The following RASA3 variants were observed in gnomAD, a reference collection of about 807,000 sequenced individuals.
RASA3 encodes RAS p21 protein activator 3.
In RASA3, 73 loss-of-function variants were observed where a neutral mutation model predicts 110.0. The ratio of observed to expected loss-of-function variants is 0.66; its 90% CI spans 0.55 to 0.81. RASA3 has a LOEUF of 0.81. Among genes scored for constraint, RASA3 ranks in the 30% least tolerant of loss-of-function variants. RASA3 has a pLI of 0.00. For missense variants in RASA3, 976 were observed against 1,113.2 expected (o/e 0.88, Z 1.75); for synonymous variants, 500 against 451.4 (o/e 1.11, Z -1.37).
At chr13:114,037,348 G>A (rs1466952620) in intron 4 of RASA3, among the ~76,000 whole-genome samples, 1 of 152,168 alleles carries the variant, frequency 6.6e-6, no homozygotes, top group African/African-American at 2.4e-5. Flanking sequence ...TGGAAGGAAG[G>A]AGGTTCTGAT....
At chr13:114,129,885 C>A (rs1216148112) in intron 1 of RASA3, among the ~76,000 whole-genome samples, 1 of 152,234 alleles carries the variant, frequency 6.6e-6, no homozygotes, top group Non-Finnish European at 1.5e-5. Flanking sequence ...TGAATGACAG[C>A]GAGGGGCCCT....
At chr13:114,080,736 G>A (rs1400202710) in intron 1 of RASA3, among the ~76,000 whole-genome samples, 5 of 48,028 alleles carry the variant, frequency 1.0e-4, no homozygotes, top group East Asian at 9.2e-4. Flanking sequence ...CCCAGGGCAC[G>A]CTTGGATTTC....
At chr13:114,041,726 C>T (rs9562209) in intron 3 of RASA3, among the ~76,000 whole-genome samples, 33,529 of 152,262 alleles carry the variant, frequency 0.22, 4,058 homozygotes, top group African/African-American at 0.32. Context: ...CATGTGGGTG[C>T]TCAGGTTATT....
intron 1 of RASA3, among the ~76,000 whole-genome samples, chr13:114,108,270 CGT>C (rs201385293): frequency 6.4e-4 from 21 of 32,698 alleles, no homozygotes; most frequent in African/African-American, 1.9e-3. Context: ...TCCGTCACCC[CGT>C]GTCTGTCATC....
At chr13:114,075,292 G>T (rs141129926) in intron 1 of RASA3, among the ~76,000 whole-genome samples, 4 of 152,172 alleles carry the variant, frequency 2.6e-5, no homozygotes, top group African/African-American at 9.7e-5. Context: ...TGGGGCAGTC[G>T]GCTCATTTCA....
chr13:114,017,229 G>A lies in RASA3; in HGVS notation c.1206+8C>T, dbSNP rs772361857. On this transcript the variant is annotated splice_region_variant and intron_variant, in intron 12 of 23. Coordinates refer to ENST00000334062, the MANE Select transcript of RASA3 (RefSeq NM_007368.4). ...CGTGAGGCTGAGGACTCTCGGCCCCGTGCTCACCTCCTCGATGGCGGGCTT... is the reference window on the plus strand; with the variant it reads ...CGTGAGGCTGAGGACTCTCGGCCCCATGCTCACCTCCTCGATGGCGGGCTT... The A allele has an allele frequency of 3.5e-5, 57 of 1,610,330 alleles. No homozygotes were observed. Among genetic ancestry groups the A allele is most frequent in the Middle Eastern group, 1.6e-4 (1 of 6,070 alleles).
At position 114,096,312 on chromosome 13, in the gene RASA3, T is replaced by C. The variant is rs1594448782; in HGVS notation, c.56-22475A>G. On this transcript the variant is annotated intron_variant, in intron 1 of 23. Coordinates refer to ENST00000334062, the MANE Select transcript of RASA3 (RefSeq NM_007368.4). This position sits in a 1 kb window ranked among gnomAD's most constrained non-coding sequence, Gnocchi z 5.1. ...GGTCTGAGAGCTGCTCACCGACCCA[T>C]GCCTCCTCTAGCAAATCGCCTCTCT... Among the ~76,000 whole-genome samples, 4 of 152,288 alleles carry C rather than the reference T, an allele frequency of 2.6e-5. No homozygotes were observed. The highest frequency in any genetic ancestry group is 3.4e-3 in the Middle Eastern group (1 of 294).
At chr13:114,107,600 C>T (rs2080152417) in intron 1 of RASA3, 1 of 152,486 alleles carries the variant, frequency 6.6e-6, no homozygotes, top group Non-Finnish European at 1.5e-5. Flanking sequence ...TCTGCTCTGC[C>T]CTGGGTGAGG....
intron 18 of RASA3, among the ~76,000 whole-genome samples, chr13:114,003,956 G>A (rs2053458967): frequency 6.6e-6 from 1 of 152,212 alleles, no homozygotes; most frequent in Non-Finnish European, 1.5e-5. Flanking sequence ...TCTGCAGAAA[G>A]TAAAAATTGC....
chr13:114,060,846 G>A (rs973263803), intron 2 of RASA3, among the ~76,000 whole-genome samples: 9 of 152,224 alleles, frequency 5.9e-5, no homozygotes, highest in African/African-American at 2.2e-4. Context: ...AGAGCAGGAG[G>A]CTGGGCCCTC....
intron 2 of RASA3, among the ~76,000 whole-genome samples, chr13:114,061,079 C>T (rs2079337190): frequency 6.6e-6 from 1 of 152,074 alleles, no homozygotes; most frequent in African/African-American, 2.4e-5. Context: ...CTTCCCGAGA[C>T]CTCGCACAGA....
chr13:114,032,773 ACCCCCACACTGACACCACGCCCCACG>A (rs2054195166), intron 4 of RASA3, among the ~76,000 whole-genome samples: 1 of 46,496 alleles, frequency 2.2e-5, no homozygotes, highest in Non-Finnish European at 3.7e-5. Flanking sequence ...GCCCCACGGC[ACCCCCACACTGACACCACGCCCCACG>A]GCACCCCCAC....
intron 9 of RASA3, 130 bp downstream of exon 9, chr13:114,021,274 T>C: frequency 1.4e-6 from 1 of 723,702 alleles, no homozygotes; most frequent in Non-Finnish European, 2.3e-6. Flanking sequence ...ACATGCAAAG[T>C]AAGAGCAGGT....
At chr13:114,059,944 A>T (rs2079308645) in intron 2 of RASA3, among the ~76,000 whole-genome samples, 1 of 152,242 alleles carries the variant, frequency 6.6e-6, no homozygotes, top group African/African-American at 2.4e-5. Context: ...CAACGCGGGC[A>T]AGGCTGGCGG....
At position 114,065,790 on chromosome 13, in the gene RASA3, C is replaced by T. The variant is rs536991567; in HGVS notation, c.173+7930G>A. 9.3e-4 allele frequency among the ~76,000 whole-genome samples: 141 copies of T among 152,330 alleles called. No homozygotes were observed. Among genetic ancestry groups the T allele is most frequent in the African/African-American group, 3.0e-3 (126 of 41,582 alleles). On this transcript the variant is annotated intron_variant, in intron 2 of 23. Coordinates refer to ENST00000334062, the MANE Select transcript of RASA3 (RefSeq NM_007368.4). The surrounding 1 kb of genome is among the most constrained non-coding windows in gnomAD (Gnocchi z 4.1). ...CTCACAGCCCACTCACCACCCAGCA[C>T]GGCAGGTCTCAGCGGAAGCCCCACA...
At chr13:113,984,718 CA>C (rs2053012905) in intron 22 of RASA3, among the ~76,000 whole-genome samples, 1 of 100,708 alleles carries the variant, frequency 9.9e-6, no homozygotes. Flanking sequence ...TCACCCTGTC[CA>C]TCCATCCATC....
chr13:114,011,488 C>T lies in RASA3; in HGVS notation c.1513-240G>A, dbSNP rs963400017. Among the ~76,000 whole-genome samples, 12 of 152,096 alleles carry T rather than the reference C, an allele frequency of 7.9e-5. No homozygotes were observed. The highest frequency in any genetic ancestry group is 1.9e-4 in the African/African-American group (8 of 41,402). ...ACGGCACCGCGGTGACCCACTCTCT[C>T]GGCCCAGCGTGCAGGGTGCATCTCA... On this transcript the variant is annotated intron_variant, in intron 15 of 23. Coordinates refer to ENST00000334062, the MANE Select transcript of RASA3 (RefSeq NM_007368.4). This position sits in a 1 kb window ranked among gnomAD's most constrained non-coding sequence, Gnocchi z 4.8.
Position 114,014,906 on chromosome 13 carries a change from C to T in RASA3, c.1405+303G>A, listed in dbSNP as rs1233487502. On this transcript the variant is annotated intron_variant, in intron 14 of 23. Transcript: ENST00000334062. The surrounding 1 kb of genome is among the most constrained non-coding windows in gnomAD (Gnocchi z 4.5). ...CGGCCCCCCCAGAGACCACTGTGGTCGTGAACTCCAGGGCTGGGCCCCTCT... is the reference window on the plus strand; with the variant it reads ...CGGCCCCCCCAGAGACCACTGTGGTTGTGAACTCCAGGGCTGGGCCCCTCT... Among the ~76,000 whole-genome samples the T allele has an allele frequency of 6.6e-6, 1 of 151,976 alleles. No individual in the cohort carries two copies. Among genetic ancestry groups the T allele is most frequent in the East Asian group, 1.9e-4 (1 of 5,166 alleles).
chr13:114,033,174 A>C (rs1594358179), intron 4 of RASA3, among the ~76,000 whole-genome samples: 1 of 30,476 alleles, frequency 3.3e-5, no homozygotes, highest in Non-Finnish European at 6.0e-5. Flanking sequence ...CACTGACACC[A>C]CGCCCCACGG....
Sources: gnomAD v4.1 joint callset for allele counts (sites outside exome capture counted in the v4.1 genomes callset) on GRCh38, gnomAD v4.1.1 for gene constraint, Gnocchi (gnomAD v3.1) non-coding constraint, MANE v1.5 for transcripts, NCBI Gene and HGNC (gene_info 2026-07-23, HGNC 2026-07-21) for gene names.